Variants in CRKL observed in about 807,000 individuals in gnomAD.
CRKL encodes the protein crk-like protein.
In CRKL, 3 loss-of-function variants were observed where a neutral mutation model predicts 23.0. The ratio of observed to expected loss-of-function variants is 0.13; its 90% confidence interval spans 0.06 to 0.34. The LOEUF (loss-of-function observed/expected upper bound fraction) is 0.34. Ranked by LOEUF, CRKL falls within the 10% of genes least tolerant of loss-of-function variation. CRKL has a pLI of 1.00. For missense variants in CRKL, 256 were observed against 394.5 expected (o/e 0.65, Z 2.97); for synonymous variants, 188 against 160.7 (o/e 1.17, Z -1.28).
chr22:20,936,596 C>T (rs986678755), intron 2 of CRKL, among the ~76,000 whole-genome samples: 5 of 152,242 alleles, frequency 3.3e-5, no homozygotes, highest in Admixed American at 2.0e-4. Flanking sequence ...GGTGATCTGC[C>T]CACCTCGGCC....
At chr22:20,929,408 G>A (rs1229647891) in intron 1 of CRKL, among the ~76,000 whole-genome samples, 3 of 151,648 alleles carry the variant, frequency 2.0e-5, no homozygotes, top group South Asian at 2.1e-4. Flanking sequence ...CTCTTGATCC[G>A]CCCGCCTTGG....
chr22:20,943,380 C>A (rs1330377087), intron 2 of CRKL, among the ~76,000 whole-genome samples: 4 of 152,202 alleles, frequency 2.6e-5, no homozygotes, highest in Admixed American at 2.6e-4. Flanking sequence ...GCCAGGATTA[C>A]AGGCACTCAC....
At chr22:20,924,750 G>A (rs1257244556) in intron 1 of CRKL, among the ~76,000 whole-genome samples, 4 of 152,182 alleles carry the variant, frequency 2.6e-5, no homozygotes, top group Non-Finnish European at 2.9e-5. Flanking sequence ...AAAGGCAGGA[G>A]AATCACTTGA....
At chr22:20,941,589 T>TATATATATA (rs1491187455) in intron 2 of CRKL, among the ~76,000 whole-genome samples, 12 of 32,178 alleles carry the variant, frequency 3.7e-4, no homozygotes, top group African/African-American at 1.3e-3. Flanking sequence ...TATATATATA[T>TATATATATA]TTTTTTTTTT....
At position 20,917,917 on chromosome 22, in the gene CRKL, A is replaced by G. The variant is rs753101602; in HGVS notation, c.-18A>G. The G allele has an allele frequency of 1.9e-6, 3 of 1,606,676 alleles. No homozygotes were observed. Among genetic ancestry groups the G allele is most frequent in the African/African-American group, 2.7e-5 (2 of 74,670 alleles). ...ACAGCCGCCGCCCCTACCGCCGCAG[A>G]GTCCCCGGTCCAACACCATGTCCTC... On this transcript the variant is annotated 5_prime_UTR_variant, in exon 1 of 3. Coordinates refer to ENST00000354336, the MANE Select transcript of CRKL (RefSeq NM_005207.4).
chr22:20,939,263 C>CA (rs1569136251), intron 2 of CRKL, among the ~76,000 whole-genome samples: 2 of 101,462 alleles, frequency 2.0e-5, no homozygotes, highest in African/African-American at 4.0e-5. Flanking sequence ...TTTTTTGAGA[C>CA]AGAGTCTTGC....
At chr22:20,940,299 T>G (rs953363674) in intron 2 of CRKL, among the ~76,000 whole-genome samples, 3 of 152,178 alleles carry the variant, frequency 2.0e-5, no homozygotes, top group African/African-American at 7.2e-5. Context: ...TTCCAGATGC[T>G]CCACTTCCCA....
chr22:20,925,458 G>A (rs1341514444), intron 1 of CRKL, among the ~76,000 whole-genome samples: 2 of 152,222 alleles, frequency 1.3e-5, no homozygotes, highest in Non-Finnish European at 2.9e-5. Flanking sequence ...ACAGTGAGCC[G>A]AGATTGCGCC....
intron 1 of CRKL, among the ~76,000 whole-genome samples, chr22:20,918,557 C>T (rs1389197394): frequency 6.7e-6 from 1 of 150,226 alleles, no homozygotes; most frequent in Non-Finnish European, 1.5e-5. Context: ...GGGTGTAATA[C>T]TGATGCAGGG....
intron 2 of CRKL, among the ~76,000 whole-genome samples, chr22:20,948,026 A>G (rs1371312935): frequency 6.6e-6 from 1 of 152,166 alleles, no homozygotes; most frequent in South Asian, 2.1e-4. Context: ...ACAAAGATTC[A>G]TTGTGTATCC....
At chr22:20,948,266 G>A (rs1287394825) in intron 2 of CRKL, among the ~76,000 whole-genome samples, 3 of 152,148 alleles carry the variant, frequency 2.0e-5, no homozygotes, top group Non-Finnish European at 4.4e-5. Context: ...TGGCTGCTTA[G>A]TATCCATCAC....
At chr22:20,923,576 A>AT (rs34489759) in intron 1 of CRKL, among the ~76,000 whole-genome samples, 3,853 of 119,832 alleles carry the variant, frequency 0.032, 74 homozygotes, top group Middle Eastern at 0.096. Flanking sequence ...CGCGCCTGGC[A>AT]TTTTTTTTTT....
chr22:20,932,260 C>T (rs1921482984), intron 1 of CRKL, among the ~76,000 whole-genome samples: 1 of 152,072 alleles, frequency 6.6e-6, no homozygotes, highest in African/African-American at 2.4e-5. Flanking sequence ...AGGTGTGTGC[C>T]ACTATGCCCG....
rs143693600 is a variant in CRKL, at chr22:20,933,197, C to T, written c.312-582C>T. Among the ~76,000 whole-genome samples, 986 of 151,824 alleles carry T rather than the reference C, an allele frequency of 6.5e-3. 4 individuals are homozygous for T. The highest frequency in any genetic ancestry group is 0.02 in the East Asian group (102 of 5,146). ...CATCCTGGCTAACAAGGTGAAATTC[C>T]GTCTCTACTAAAAATAGAAAAAATT... On this transcript the variant is annotated intron_variant, in intron 1 of 2. Coordinates refer to ENST00000354336, the MANE Select transcript of CRKL (RefSeq NM_005207.4).
At chr22:20,923,900 AGGTT>A (rs1178822887) in intron 1 of CRKL, among the ~76,000 whole-genome samples, 1 of 150,332 alleles carries the variant, frequency 6.7e-6, no homozygotes, top group Middle Eastern at 3.4e-3. Flanking sequence ...AAAAATGTAA[AGGTT>A]GGCTGTGCTC....
At chr22:20,931,352 A>C (rs914452028) in intron 1 of CRKL, among the ~76,000 whole-genome samples, 1 of 152,174 alleles carries the variant, frequency 6.6e-6, no homozygotes, top group African/African-American at 2.4e-5. Context: ...GGCTACAGTG[A>C]GCTGTGGTTG....
chr22:20,941,578 G>GTGTGTA (rs1307351827), intron 2 of CRKL, among the ~76,000 whole-genome samples: 1 of 38,984 alleles, frequency 2.6e-5, no homozygotes, highest in Non-Finnish European at 4.3e-5. Flanking sequence ...GTGTGTGTGT[G>GTGTGTA]TATATATATA....
At chr22:20,938,659 G>A (rs746462231) in intron 2 of CRKL, among the ~76,000 whole-genome samples, 1 of 152,084 alleles carries the variant, frequency 6.6e-6, no homozygotes, top group Non-Finnish European at 1.5e-5. Flanking sequence ...TTTAAATTTA[G>A]AGCAAATGCT....
At chr22:20,924,846 CA>C (rs1047286001) in intron 1 of CRKL, among the ~76,000 whole-genome samples, 3 of 151,630 alleles carry the variant, frequency 2.0e-5, no homozygotes, top group Non-Finnish European at 4.4e-5. Context: ...TCCAAAAAAA[CA>C]AAAAACAAGA....
Sources: allele counts gnomAD v4.1 joint callset (sites outside exome capture counted in the v4.1 genomes callset), GRCh38; gene constraint gnomAD v4.1.1; transcripts MANE v1.5; gene names NCBI Gene and HGNC (gene_info 2026-07-23, HGNC 2026-07-21).